The following KANSL3 variants were observed in gnomAD, a reference collection of about 807,000 sequenced individuals.
KANSL3 encodes KAT8 regulatory NSL complex subunit 3.
Under a neutral mutation model 89.2 loss-of-function variants are expected in KANSL3, and 16 were observed. The observed-to-expected ratio is 0.18, with a 90% confidence interval of 0.12 to 0.27. The LOEUF (loss-of-function observed/expected upper bound fraction) is 0.27, where lower values mean the gene tolerates loss of function less well. KANSL3 is among the 10% of genes least tolerant of loss of function. KANSL3 has a pLI of 1.00. For synonymous variants in KANSL3, 385 were observed against 419.7 expected, an observed-to-expected ratio of 0.92 and a Z score of 1.01; for missense variants, 879 against 1,110.6, an observed-to-expected ratio of 0.79 and a Z score of 2.96.
At chr2:96,585,660 C>T in the KANSL3 span, among the ~76,000 whole-genome samples, 1 of 152,092 alleles carries the variant, frequency 6.6e-6, no homozygotes, top group Admixed American at 6.5e-5. Context: ...GTCACTTGCA[C>T]ACACATCTAC....
At chr2:96,596,961 G>T (rs2066598250) in intron 20 of KANSL3, among the ~76,000 whole-genome samples, 1 of 152,228 alleles carries the variant, frequency 6.6e-6, no homozygotes, top group African/African-American at 2.4e-5. Context: ...CTTCTCAGCT[G>T]TGATGAGTAC....
chr2:96,593,595 CTTCAAGGTGG>C lies in KANSL3; in HGVS notation c.*2006_*2015del. ...GCTCCCCTTCTTCAGTTGTGGAGTT[CTTCAAGGTGG>C]ACAGATCACACCTCAGGAAGTCATC... On this transcript the variant is annotated 3_prime_UTR_variant, in exon 21 of 21. Coordinates refer to ENST00000431828, the MANE Select transcript of KANSL3 (RefSeq NM_001115016.3). 3.2e-6 allele frequency: 1 copy of C among 310,666 alleles called. No homozygotes were observed. Among genetic ancestry groups the C allele is most frequent in the South Asian group, 2.9e-5 (1 of 34,732 alleles). The allele number at this position is 310,666 out of a possible 1,614,324, so 19.2% of individuals were successfully genotyped here.
At chr2:96,613,773 T>C (rs145268833) in intron 5 of KANSL3, among the ~76,000 whole-genome samples, 154 bp from the exon 6 acceptor site, 1,583 of 151,956 alleles carry the variant, frequency 0.01, 10 homozygotes, top group Middle Eastern at 0.031. Flanking sequence ...TATATATAAA[T>C]AAGCGGGTGA....
At chr2:96,604,703 T>C (rs2067707163) in intron 16 of KANSL3, 76 bp downstream of exon 16, 9 of 1,292,898 alleles carry the variant, frequency 7.0e-6, no homozygotes, top group Non-Finnish European at 9.8e-6. Flanking sequence ...TCCATCATTT[T>C]CCAAAGCACT....
At chr2:96,601,552 T>G in intron 20 of KANSL3, 91 bp downstream of exon 20, 1 of 1,512,724 alleles carries the variant, frequency 6.6e-7, no homozygotes, top group Non-Finnish European at 8.8e-7. Flanking sequence ...GTCTGTCCAG[T>G]GCATGGGCAG....
At chr2:96,596,734 G>C (rs1218718183) in intron 20 of KANSL3, among the ~76,000 whole-genome samples, 2 of 152,226 alleles carry the variant, frequency 1.3e-5, no homozygotes, top group East Asian at 3.8e-4. Context: ...ATACACCTTA[G>C]AGTGAGCCAG....
intron 20 of KANSL3, chr2:96,598,043 C>A (rs1443786464): frequency 3.2e-6 from 3 of 937,868 alleles, no homozygotes; most frequent in Non-Finnish European, 3.8e-6. Flanking sequence ...TCAATGGTAA[C>A]TGGCTGGCCC....
chr2:96,612,510 T>C lies in KANSL3; in HGVS notation c.966A>G (p.Leu322=). Residue 322 remains leucine (L), a synonymous_variant, in exon 8 of 21, where the codon CTA becomes CTG. Transcript: ENST00000431828. ...CCCCAATCATATGCTCGAGACACTG[T>C]AGAACTCCTACCCCACTGCCATTGT... The part of the protein sequence containing the change: ...LLNNGSGVGV[L]QCLEHMIGAV... 2 of 1,613,976 alleles carry C rather than the reference T, an allele frequency of 1.2e-6. No homozygotes were observed. The highest frequency in any genetic ancestry group is 1.7e-6 in the Non-Finnish European group (2 of 1,179,884).
At chr2:96,593,155 C>G (rs2066329159), downstream of KANSL3, 1 of 435,852 alleles carries the variant, frequency 2.3e-6, no homozygotes, top group African/African-American at 2.0e-5. Flanking sequence ...TGAAAAGAAG[C>G]TGAAGCAATC....
chr2:96,612,756 T>C, intron 7 of KANSL3, 62 bp downstream of exon 7: 2 of 1,360,100 alleles, frequency 1.5e-6, no homozygotes. Flanking sequence ...CATATTCTTC[T>C]CCTCAATCCT....
At chr2:96,626,340 TGAAG>T (rs1442609712) in intron 3 of KANSL3, among the ~76,000 whole-genome samples, 3 of 132,306 alleles carry the variant, frequency 2.3e-5, no homozygotes, top group African/African-American at 8.8e-5. Flanking sequence ...AGGGAAGGAA[TGAAG>T]GAAGGGGAAA....
At chr2:96,623,718 C>A (rs180931446) in intron 3 of KANSL3, among the ~76,000 whole-genome samples, 18 of 152,278 alleles carry the variant, frequency 1.2e-4, no homozygotes, top group African/African-American at 4.3e-4. Context: ...TGCCCTGAGT[C>A]TTCTTGTCCA....
the KANSL3 span, among the ~76,000 whole-genome samples, chr2:96,586,273 A>C: frequency 7.2e-5 from 11 of 152,030 alleles, no homozygotes; most frequent in Non-Finnish European, 1.5e-4. Context: ...CTTCGGGGTA[A>C]GGGTGGGGGT....
intron 17 of KANSL3, chr2:96,603,607 T>C (rs894077855): frequency 6.6e-6 from 1 of 152,492 alleles, no homozygotes; most frequent in African/African-American, 2.4e-5. Flanking sequence ...TGCAATGCCT[T>C]GGCCCTGCTG....
chr2:96,586,790 T>C, the KANSL3 span, among the ~76,000 whole-genome samples: 1 of 152,252 alleles, frequency 6.6e-6, no homozygotes, highest in Non-Finnish European at 1.5e-5. Flanking sequence ...CTGCTTCTAC[T>C]TCTGTCCTCT....
chr2:96,621,692 A>ATGGGAAAATGACT lies in KANSL3; in HGVS notation c.387-1943_387-1931dup, dbSNP rs1455473215. 1.4e-4 allele frequency among the ~76,000 whole-genome samples: 21 copies of ATGGGAAAATGACT among 152,296 alleles called. No homozygotes were observed. The East Asian group carries it at 4.0e-3, about 29-fold the overall frequency. On this transcript the variant is annotated intron_variant, in intron 3 of 20. Coordinates refer to ENST00000431828, the MANE Select transcript of KANSL3 (RefSeq NM_001115016.3). ...AAAGTATAAACAAGGTCAAAACACA[A>ATGGGAAAATGACT]TGGGAAAATGACTGCCATTTCATTA...
intron 2 of KANSL3, among the ~76,000 whole-genome samples, chr2:96,634,718 T>A (rs956505003): frequency 2.4e-4 from 36 of 152,352 alleles, no homozygotes; most frequent in African/African-American, 5.8e-4. Context: ...TACATCATTA[T>A]GAAATGAAAT....
Position 96,604,790 on chromosome 2 carries a change from G to A in KANSL3, c.2007C>T (p.Leu669=), listed in dbSNP as rs1192348379. The A allele has an allele frequency of 1.3e-6, 2 of 1,596,060 alleles. No individual in the cohort carries two copies. Residue 669 remains leucine, a synonymous_variant, in exon 16 of 21, where the codon CTC becomes CTT. Transcript: ENST00000431828. ...SAGAKELTGL[L]TTAKSSSSEG... is the part of the protein sequence containing the mutation. Reference sequence around the variant, plus strand: ...CAATAAACACTCACTTGGCTGTGGTGAGAAGTCCTGTGAGCTCCTTGGCCC... The same window carrying A: ...CAATAAACACTCACTTGGCTGTGGTAAGAAGTCCTGTGAGCTCCTTGGCCC...
chr2:96,588,180 C>A (rs1335496190), downstream of KANSL3, among the ~76,000 whole-genome samples: 20 of 151,290 alleles, frequency 1.3e-4, no homozygotes, highest in East Asian at 3.9e-4. Context: ...AAAAAAAAAA[C>A]CAAAATCCAT....
Sources: gnomAD v4.1 joint callset for allele counts (sites outside exome capture counted in the v4.1 genomes callset) on GRCh38, gnomAD v4.1.1 for gene constraint, MANE v1.5 for transcripts, NCBI Gene and HGNC (gene_info 2026-07-23, HGNC 2026-07-21) for gene names.